The following PPP6C variants were observed in gnomAD, a reference collection of about 807,000 sequenced individuals.
PPP6C encodes serine/threonine-protein phosphatase 6 catalytic subunit.
Under a neutral mutation model 39.8 loss-of-function variants are expected in PPP6C, and 11 were observed. The ratio of observed to expected loss-of-function variants is 0.28; its 90% CI spans 0.17 to 0.46. The LOEUF (loss-of-function observed/expected upper bound fraction) is 0.46. PPP6C is among the 20% of genes least tolerant of loss of function. The probability of loss-of-function intolerance (pLI) is 1.00; values close to 1 mark genes in which losing one functional copy is unlikely to be tolerated. For missense variants in PPP6C, 211 were observed against 373.9 expected (o/e 0.56, Z 3.59); for synonymous variants, 129 against 130.3 (o/e 0.99, Z 0.07).
At position 125,148,687 on chromosome 9, in the gene PPP6C, T is replaced by C. The variant is rs1367835662; in HGVS notation, c.*986A>G. 1 of 152,198 alleles carries C rather than the reference T, an allele frequency of 6.6e-6. No homozygotes were observed. Among genetic ancestry groups the C allele is most frequent in the Non-Finnish European group, 1.5e-5 (1 of 68,022 alleles). 9.4% of individuals were successfully genotyped at this position (152,198 alleles called of 1,614,324 possible). On this transcript the variant is annotated 3_prime_UTR_variant, in exon 7 of 7. Transcript: ENST00000373547. The stretch of plus-strand genomic sequence containing the variant: ...TGAAAAGCACATAGATTTTAGTTAA[T>C]AATACTCATGATAGATTGTAAACTG...
At chr9:125,161,608 A>C (rs974377244) in intron 2 of PPP6C, among the ~76,000 whole-genome samples, 45 of 152,026 alleles carry the variant, frequency 3.0e-4, no homozygotes, top group African/African-American at 1.1e-3. Flanking sequence ...CATGCCCAGC[A>C]AATTTTTATA....
In PPP6C at chr9:125,158,426, A is replaced by C. The variant is rs774405452; in HGVS notation, c.238-44T>G. The C allele has an allele frequency of 7.7e-6, 12 of 1,565,218 alleles. No individual in the cohort carries two copies. In the East Asian group the frequency reaches 1.6e-4, roughly 21 times the overall value. ...CAGTTACAAACAATACAATAGCCAC[A>C]ATATTCTTTTCAAATTATATCAAAC... On this transcript the variant is annotated intron_variant, in intron 3 of 6. Coordinates refer to ENST00000373547, the MANE Select transcript of PPP6C (RefSeq NM_002721.5).
Position 125,149,546 on chromosome 9 carries a change from A to T in PPP6C, c.*127T>A. The T allele has an allele frequency of 1.7e-6, 2 of 1,168,738 alleles. No individual in the cohort carries two copies. Among genetic ancestry groups the T allele is most frequent in the Non-Finnish European group, 2.4e-6 (2 of 845,522 alleles). 72.4% of individuals were successfully genotyped at this position (1,168,738 alleles called of 1,614,324 possible). A position where few individuals can be genotyped will look rare whatever the true frequency, so the allele number is the denominator to read the frequency against. ...AAATTTAGATAATTTAAAATTTAAA[A>T]AAAAAAAGGCAAGAGGCAGCATTTC... is the stretch of plus-strand genomic sequence containing the variant. On this transcript the variant is annotated 3_prime_UTR_variant, in exon 7 of 7. Transcript: ENST00000373547.
At chr9:125,154,929 A>G (rs774200067) in intron 4 of PPP6C, among the ~76,000 whole-genome samples, 3 of 152,118 alleles carry the variant, frequency 2.0e-5, no homozygotes, top group Non-Finnish European at 4.4e-5. Flanking sequence ...GTCTCACTCT[A>G]TTGCCCAAGT....
intron 6 of PPP6C, among the ~76,000 whole-genome samples, chr9:125,151,906 A>C (rs1209694776): frequency 2.0e-5 from 3 of 152,266 alleles, no homozygotes; most frequent in East Asian, 1.9e-4. Flanking sequence ...GTGACTGGAG[A>C]AGCTCAGACT....
intron 1 of PPP6C, among the ~76,000 whole-genome samples, chr9:125,177,246 C>T (rs1291821974): frequency 6.6e-6 from 1 of 151,996 alleles, no homozygotes; most frequent in Admixed American, 6.6e-5. Flanking sequence ...TGGTGGCGGG[C>T]GCCTGTAGTC....
Position 125,170,514 on chromosome 9 carries a change from G to C in PPP6C, c.171+571C>G, listed in dbSNP as rs186846188. Among the ~76,000 whole-genome samples, 196 of 152,238 alleles carry C rather than the reference G, an allele frequency of 1.3e-3. 2 individuals are homozygous for C. Among genetic ancestry groups the C allele is most frequent in the African/African-American group, 4.4e-3 (184 of 41,530 alleles). ...AGCCACCCAAAGTGCTGGGACTACAGGTGTGAGCCACCACGCCCGGCACTG... is the reference window on the plus strand; with the variant it reads ...AGCCACCCAAAGTGCTGGGACTACACGTGTGAGCCACCACGCCCGGCACTG... On this transcript the variant is annotated intron_variant, in intron 2 of 6. Transcript: ENST00000373547.
chr9:125,150,426 G>T (rs1281675855), intron 6 of PPP6C, among the ~76,000 whole-genome samples: 1 of 151,668 alleles, frequency 6.6e-6, no homozygotes, highest in Non-Finnish European at 1.5e-5. Context: ...TAAGGGGTGT[G>T]TGTGTGTGTG....
At chr9:125,159,477 G>A in intron 3 of PPP6C, among the ~76,000 whole-genome samples, 1 of 151,754 alleles carries the variant, frequency 6.6e-6, no homozygotes, top group East Asian at 1.9e-4. Context: ...AAGTAGCTGG[G>A]ACTACAGGCA....
At chr9:125,189,412 G>T in intron 1 of PPP6C, 1 of 1,243,652 alleles carries the variant, frequency 8.0e-7, no homozygotes, top group Middle Eastern at 2.9e-4. Flanking sequence ...GGCGACCCTG[G>T]GACAGAGGCC....
chr9:125,181,458 AT>A (rs1429171855), intron 1 of PPP6C, among the ~76,000 whole-genome samples: 4 of 151,906 alleles, frequency 2.6e-5, no homozygotes, highest in Non-Finnish European at 5.9e-5. Flanking sequence ...TACAATCGGT[AT>A]TTCTCCTAAT....
At chr9:125,158,891 C>T (rs1836150286) in intron 3 of PPP6C, among the ~76,000 whole-genome samples, 1 of 151,894 alleles carries the variant, frequency 6.6e-6, no homozygotes, top group Non-Finnish European at 1.5e-5. Context: ...GTCTCAAACT[C>T]CTGACCTTGT....
At position 125,149,539 on chromosome 9, in the gene PPP6C, A is replaced by G; in HGVS notation, c.*134T>C. 1 of 1,114,008 alleles carries G rather than the reference A, an allele frequency of 9.0e-7. No homozygotes were observed. Among genetic ancestry groups the G allele is most frequent in the Non-Finnish European group, 1.2e-6 (1 of 800,270 alleles). The allele number at this position is 1,114,008 out of a possible 1,614,324, so 69.0% of individuals were successfully genotyped here. A position where few individuals can be genotyped will look rare whatever the true frequency, so the allele number is the denominator to read the frequency against. On this transcript the variant is annotated 3_prime_UTR_variant, in exon 7 of 7. Coordinates refer to ENST00000373547, the MANE Select transcript of PPP6C (RefSeq NM_002721.5). ...AAACAATAAATTTAGATAATTTAAA[A>G]TTTAAAAAAAAAAAGGCAAGAGGCA...
At chr9:125,151,424 G>A (rs1027323160) in intron 6 of PPP6C, 9 of 862,902 alleles carry the variant, frequency 1.0e-5, no homozygotes, top group African/African-American at 4.9e-5. Context: ...CATCAACAAC[G>A]CATGCTTTAA....
At chr9:125,162,929 T>C (rs1422294468) in intron 2 of PPP6C, among the ~76,000 whole-genome samples, 3 of 151,018 alleles carry the variant, frequency 2.0e-5, no homozygotes, top group Non-Finnish European at 4.4e-5. Context: ...AATACAAAAA[T>C]TAGCCAGGCG....
intron 1 of PPP6C, among the ~76,000 whole-genome samples, chr9:125,171,468 CACACACACACATATATATAT>C (rs1180498139): frequency 2.1e-4 from 15 of 71,538 alleles, no homozygotes; most frequent in African/African-American, 7.7e-4. Context: ...TATACACACA[CACACACACACATATATATAT>C]ATATATATAT....
chr9:125,155,904 C>CAAAAAAAAAAAAAA (rs1231626756), intron 4 of PPP6C, among the ~76,000 whole-genome samples: 5 of 61,454 alleles, frequency 8.1e-5, no homozygotes, highest in African/African-American at 3.1e-4. Context: ...GACTCCGTCT[C>CAAAAAAAAAAAAAA]AAAAAAAAAA....
chr9:125,183,035 A>C (rs1415755493), intron 1 of PPP6C, among the ~76,000 whole-genome samples: 1 of 152,124 alleles, frequency 6.6e-6, no homozygotes, highest in African/African-American at 2.4e-5. Flanking sequence ...AATATGGCCC[A>C]AACCAAACTT....
At chr9:125,183,077 G>A (rs1588297436) in intron 1 of PPP6C, among the ~76,000 whole-genome samples, 1 of 152,198 alleles carries the variant, frequency 6.6e-6, no homozygotes, top group Middle Eastern at 3.4e-3. Context: ...ATAGTACTAA[G>A]TAATCCTTGC....
Sources: allele counts gnomAD v4.1 joint callset (sites outside exome capture counted in the v4.1 genomes callset), GRCh38; gene constraint gnomAD v4.1.1; transcripts MANE v1.5; gene names NCBI Gene and HGNC (gene_info 2026-07-23, HGNC 2026-07-21).